RTTN: variants seen among roughly 807,000 people sequenced by gnomAD.
The protein encoded by RTTN is rotatin.
Under a neutral mutation model 269.2 loss-of-function variants are expected in RTTN, and 182 were observed. That is an observed-to-expected ratio of 0.68 (90% CI 0.60 to 0.76). RTTN has a LOEUF of 0.76. RTTN is among the 30% of genes least tolerant of loss of function. The probability of loss-of-function intolerance (pLI) is 0.00; values close to 1 mark genes in which losing one functional copy is unlikely to be tolerated. For missense variants in RTTN, 2,545 were observed against 2,608.6 expected (o/e 0.98, Z 0.53); for synonymous variants, 1,006 against 963.5 (o/e 1.04, Z -0.82).
intron 28 of RTTN, among the ~76,000 whole-genome samples, chr18:70,104,881 G>A (rs545302529): frequency 1.4e-4 from 21 of 152,146 alleles, no homozygotes; most frequent in East Asian, 7.7e-4. Flanking sequence ...AGGGGCACCC[G>A]GCTGTATGAG....
intron 37 of RTTN, among the ~76,000 whole-genome samples, chr18:70,055,334 C>T (rs1599305672): frequency 6.6e-6 from 1 of 152,012 alleles, no homozygotes; most frequent in South Asian, 2.1e-4. Flanking sequence ...CACACACACA[C>T]ACTTTTTTTC....
chr18:70,063,778 T>C (rs1177386128), intron 35 of RTTN, among the ~76,000 whole-genome samples: 1 of 152,112 alleles, frequency 6.6e-6, no homozygotes, highest in Non-Finnish European at 1.5e-5. Flanking sequence ...AATTGATACA[T>C]ATTTTTTCAA....
intron 41 of RTTN, 93 bp from the exon 42 acceptor site, chr18:70,030,202 T>C (rs2056972881): frequency 1.2e-6 from 1 of 835,006 alleles, no homozygotes; most frequent in Non-Finnish European, 1.9e-6. Flanking sequence ...AAAGGTAACA[T>C]TTTCTATTTC....
At chr18:70,009,554 C>T (rs2056305917) in intron 46 of RTTN, among the ~76,000 whole-genome samples, 1 of 152,156 alleles carries the variant, frequency 6.6e-6, no homozygotes, top group African/African-American at 2.4e-5. Context: ...ACCAGCAGCC[C>T]TACCTTACAA....
chr18:70,122,456 C>T (rs531133801), intron 25 of RTTN, among the ~76,000 whole-genome samples: 10 of 151,956 alleles, frequency 6.6e-5, no homozygotes, highest in Non-Finnish European at 1.0e-4. Context: ...GACAATAATA[C>T]GAATCTTAAT....
chr18:70,139,466 C>T, intron 21 of RTTN, 133 bp downstream of exon 21: 2 of 596,192 alleles, frequency 3.4e-6, no homozygotes, highest in East Asian at 5.7e-5. Flanking sequence ...TTTCCATTTA[C>T]ATTAGTAGTG....
intron 35 of RTTN, among the ~76,000 whole-genome samples, chr18:70,063,227 G>C (rs1033711321): frequency 1.8e-4 from 28 of 152,130 alleles, no homozygotes; most frequent in Middle Eastern, 3.2e-3. Context: ...ATGTATGAAA[G>C]TGCTTATTTT....
chr18:70,039,946 T>A (rs914802756), intron 40 of RTTN, among the ~76,000 whole-genome samples: 1 of 152,198 alleles, frequency 6.6e-6, no homozygotes, highest in Admixed American at 6.5e-5. Flanking sequence ...AGCCTCATCA[T>A]GGTAACCTTT....
intron 5 of RTTN, 38 bp downstream of exon 5, chr18:70,199,376 G>T: frequency 7.1e-7 from 1 of 1,408,832 alleles, no homozygotes; most frequent in Non-Finnish European, 1.0e-6. Flanking sequence ...ATGACTATAA[G>T]TGAACAAAAA....
chr18:70,018,883 C>T (rs951366783), intron 45 of RTTN, among the ~76,000 whole-genome samples: 1 of 125,762 alleles, frequency 8.0e-6, no homozygotes, highest in African/African-American at 3.1e-5. Flanking sequence ...CAGACAATTT[C>T]CTACACCAGG....
Position 70,020,797 on chromosome 18 carries a change from A to C in RTTN, c.5971T>G (p.Ser1991Ala), listed in dbSNP as rs142159336. 31 of 1,612,512 alleles carry C rather than the reference A, an allele frequency of 1.9e-5. No homozygotes were observed. The African/African-American group carries it at 2.8e-4, about 15-fold the overall frequency. Reference sequence around the variant, plus strand: ...TGAACAGGGTGTTGTCCACAACTTGACCAACAAAGAGAACTGCAACCTTCA... The same window carrying C: ...TGAACAGGGTGTTGTCCACAACTTGCCCAACAAAGAGAACTGCAACCTTCA... The part of the protein sequence containing the change: ...FPNGCSSLCW[S>A]SCGQHPVQAT... Residue 1991 changes from serine to alanine, a missense_variant, in exon 45 of 49, where the codon TCA becomes GCA. Transcript: ENST00000640769.
intron 37 of RTTN, among the ~76,000 whole-genome samples, chr18:70,056,425 T>C (rs2057818326): frequency 6.6e-6 from 1 of 152,212 alleles, no homozygotes; most frequent in Admixed American, 6.5e-5. Flanking sequence ...TCATGATTCT[T>C]GTGAAGATTA....
chr18:70,130,905 A>T (rs1199346285), intron 23 of RTTN: 3 of 152,048 alleles, frequency 2.0e-5, no homozygotes, highest in African/African-American at 7.2e-5. Context: ...TGTACTCCAT[A>T]AATATGTACT....
At chr18:70,127,412 G>T in intron 25 of RTTN, 90 bp downstream of exon 25, 1 of 1,440,988 alleles carries the variant, frequency 6.9e-7, no homozygotes, top group Non-Finnish European at 9.4e-7. Context: ...AGCAGTAAGG[G>T]CATAGACTCT....
At chr18:70,092,356 CA>C in intron 29 of RTTN, 136 bp from the exon 30 acceptor site, 10 of 641,988 alleles carry the variant, frequency 1.6e-5, no homozygotes, top group East Asian at 2.9e-5. Context: ...ATTATTCAGC[CA>C]AAAAAGGCAA....
At chr18:70,057,424 CA>C (rs2057850475) in intron 37 of RTTN, among the ~76,000 whole-genome samples, 1 of 152,110 alleles carries the variant, frequency 6.6e-6, no homozygotes, top group Non-Finnish European at 1.5e-5. Context: ...ATCACAGAAG[CA>C]GGAAGTGAAC....
At chr18:70,121,251 C>T (rs2059730155) in intron 26 of RTTN, among the ~76,000 whole-genome samples, 1 of 152,104 alleles carries the variant, frequency 6.6e-6, no homozygotes, top group Admixed American at 6.6e-5. Flanking sequence ...TCTGGACATC[C>T]ACCCTGTCCC....
intron 39 of RTTN, among the ~76,000 whole-genome samples, chr18:70,048,701 ATAAAG>A (rs1214133087): frequency 6.6e-6 from 1 of 152,162 alleles, no homozygotes; most frequent in Non-Finnish European, 1.5e-5. Context: ...CATAAGAAAA[ATAAAG>A]TAGTCAGCAG....
In RTTN at chr18:70,006,454, AG is replaced by A; in HGVS notation, c.6451del (p.Leu2151TrpfsTer19). 6.2e-7 allele frequency: 1 copy of A among 1,614,064 alleles called. No homozygotes were observed. The highest frequency in any genetic ancestry group is 1.1e-5 in the South Asian group (1 of 91,084). On this transcript the variant is annotated frameshift_variant, in exon 47 of 49. Transcript: ENST00000640769. LOFTEE classifies it high-confidence loss of function. ...CTGAGCATTTTGATTCTCACTTTCC[AG>A]ACAGGCAGCAAGCACAGTAATGACT... Reference protein sequence around the residue: ...EKVITVLAACLESENQNAQRI... With the variant: ...EKVITVLAACXESENQNAQRI...
Sources: gnomAD v4.1 joint callset for allele counts (sites outside exome capture counted in the v4.1 genomes callset) on GRCh38, gnomAD v4.1.1 for gene constraint, MANE v1.5 for transcripts, NCBI Gene and HGNC (gene_info 2026-07-23, HGNC 2026-07-21) for gene names.